GCSAML: variants seen among roughly 807,000 people sequenced by gnomAD.
GCSAML encodes the protein germinal center associated signaling and motility like.
Under a neutral mutation model 13.0 loss-of-function variants are expected in GCSAML, and 9 were observed. The ratio of observed to expected loss-of-function variants is 0.69; its 90% CI spans 0.42 to 1.21. The LOEUF (loss-of-function observed/expected upper bound fraction) is 1.21. GCSAML is among the 50% of genes most tolerant of loss of function. The pLI, the probability that GCSAML is intolerant of heterozygous loss-of-function variation, is 0.00. For missense variants in GCSAML, 143 were observed against 153.4 expected, an observed-to-expected ratio of 0.93 and a Z score of 0.36; for synonymous variants, 37 against 52.9, an observed-to-expected ratio of 0.70 and a Z score of 1.31.
intron 1 of GCSAML, chr1:247,507,277 AC>A (rs1665863320): frequency 6.6e-6 from 1 of 152,204 alleles, no homozygotes; most frequent in South Asian, 2.1e-4. Flanking sequence ...ACTGCTTAAG[AC>A]TTAGGTGTGT....
At chr1:247,512,239 C>A (rs114027841) in intron 1 of GCSAML, among the ~76,000 whole-genome samples, 1 of 151,744 alleles carries the variant, frequency 6.6e-6, no homozygotes, top group Non-Finnish European at 1.5e-5. Flanking sequence ...TTTGTCTTCA[C>A]GCTTTATTTC....
At chr1:247,525,005 A>G (rs1261808870) in intron 1 of GCSAML, 1 of 152,250 alleles carries the variant, frequency 6.6e-6, no homozygotes, top group African/African-American at 2.4e-5. Context: ...AAGTAAAACT[A>G]AAGTTACTAA....
intron 1 of GCSAML, among the ~76,000 whole-genome samples, chr1:247,517,305 T>C (rs975223208): frequency 2.0e-5 from 3 of 152,320 alleles, no homozygotes; most frequent in Admixed American, 1.3e-4. Context: ...GAGTAACTTA[T>C]TACTAGGTGT....
intron 1 of GCSAML, among the ~76,000 whole-genome samples, chr1:247,509,652 T>C (rs1665953240): frequency 6.6e-6 from 1 of 152,208 alleles, no homozygotes; most frequent in African/African-American, 2.4e-5. Flanking sequence ...CATAAATAGC[T>C]CTTACTATTT....
upstream of GCSAML, among the ~76,000 whole-genome samples, chr1:247,546,383 G>A (rs901815583): frequency 5.3e-5 from 8 of 150,028 alleles, no homozygotes; most frequent in East Asian, 3.9e-4. Context: ...TTTTTGAGAC[G>A]AGTCTCGCTC....
intron 1 of GCSAML, among the ~76,000 whole-genome samples, chr1:247,511,652 G>A (rs1020383127): frequency 6.6e-6 from 1 of 152,182 alleles, no homozygotes; most frequent in South Asian, 2.1e-4. Context: ...GCAGAGGCTG[G>A]TACTGGTTTT....
At chr1:247,546,134 A>G (rs1408647898), upstream of GCSAML, among the ~76,000 whole-genome samples, 1 of 133,090 alleles carries the variant, frequency 7.5e-6, no homozygotes, top group Non-Finnish European at 1.5e-5. Context: ...CTAGGAAAGA[A>G]AGAAATAAAT....
chr1:247,529,712 G>A (rs1236714137), intron 2 of GCSAML: 1 of 124,268 alleles, frequency 8.0e-6, no homozygotes, highest in Non-Finnish European at 1.6e-5. Flanking sequence ...GTGTTACTGT[G>A]AAGGTGTTTT....
At chr1:247,560,655 A>C (rs998778164) in intron 2 of GCSAML, among the ~76,000 whole-genome samples, 5 of 152,208 alleles carry the variant, frequency 3.3e-5, no homozygotes, top group Admixed American at 6.5e-5. Context: ...TTGAAGGTAC[A>C]CAATATGATG....
Position 247,575,575 on chromosome 1 carries a change from A to G in GCSAML, c.*1193A>G, listed in dbSNP as rs1337634274. ...TTGCAGTAATAGTTCAAAAATTAAT[A>G]GTTTTTGACATTGGCTTTTCTGAGA... is the stretch of plus-strand genomic sequence containing the variant. On this transcript the variant is annotated 3_prime_UTR_variant, in exon 5 of 5. Transcript: ENST00000366488. 3 of 152,210 alleles carry G rather than the reference A, an allele frequency of 2.0e-5. No homozygotes were observed. The highest frequency in any genetic ancestry group is 7.2e-5 in the African/African-American group (3 of 41,462). The allele number at this position is 152,210 out of a possible 1,614,324, so 9.4% of individuals were successfully genotyped here. A position where few individuals can be genotyped will look rare whatever the true frequency, so the allele number is the denominator to read the frequency against.
At chr1:247,529,616 A>C (rs1461953584) in intron 2 of GCSAML, 2 of 152,026 alleles carry the variant, frequency 1.3e-5, no homozygotes, top group Non-Finnish European at 2.9e-5. Flanking sequence ...CACTTCACTG[A>C]AAGTTTGGGT....
chr1:247,576,472 G>C lies in GCSAML; in HGVS notation c.*2090G>C, dbSNP rs1306055434. 2.6e-5 allele frequency: 4 copies of C among 152,134 alleles called. No individual in the cohort carries two copies. The highest frequency in any genetic ancestry group is 9.7e-5 in the African/African-American group (4 of 41,392). 9.4% of individuals were successfully genotyped at this position (152,134 alleles called of 1,614,324 possible). On this transcript the variant is annotated 3_prime_UTR_variant, in exon 5 of 5. Transcript: ENST00000366488. The stretch of plus-strand genomic sequence containing the variant: ...AGGTAGTAGGATTGTTTGAGACTGG[G>C]AGGTTGAGGCTGAACTGAGCCAGGA...
Position 247,527,154 on chromosome 1 carries a change from T to C in GCSAML, c.-148+100T>C, listed in dbSNP as rs372505821. The C allele has an allele frequency of 7.0e-4, 306 of 438,856 alleles. 1 individual carries two copies. Among genetic ancestry groups the C allele is most frequent in the African/African-American group, 5.3e-3 (266 of 49,770 alleles). The allele number at this position is 438,856 out of a possible 1,614,324, so 27.2% of individuals were successfully genotyped here. On this transcript the variant is annotated intron_variant, in intron 2 of 5. Coordinates refer to the GCSAML transcript ENST00000366489. This position sits in a 1 kb window ranked among gnomAD's most constrained non-coding sequence, Gnocchi z 4.6. ...AGCAGTTGGGTGAGCACATGACCAA[T>C]CAGCCTGAGCATTTAAGGCAGTTGG... is the stretch of plus-strand genomic sequence containing the variant.
At chr1:247,532,461 G>A (rs747770729) in intron 2 of GCSAML, 3 of 1,613,982 alleles carry the variant, frequency 1.9e-6, no homozygotes, top group Non-Finnish European at 2.5e-6. Context: ...GTGTGGAGAA[G>A]CCCAGGAGGA....
At chr1:247,521,064 T>A (rs1421141648) in intron 1 of GCSAML, among the ~76,000 whole-genome samples, 1 of 151,678 alleles carries the variant, frequency 6.6e-6, no homozygotes, top group African/African-American at 2.4e-5. Context: ...TAGAAAAAAA[T>A]TTTATTCTGT....
At chr1:247,549,473 AT>A (rs912580848) in intron 1 of GCSAML, among the ~76,000 whole-genome samples, 228 of 147,490 alleles carry the variant, frequency 1.5e-3, no homozygotes, top group African/African-American at 4.2e-3. Context: ...CCAGAAAAAC[AT>A]TTTTTTTTTT....
intron 2 of GCSAML, chr1:247,528,971 A>G (rs1460576266): frequency 6.6e-6 from 1 of 152,208 alleles, no homozygotes; most frequent in Non-Finnish European, 1.5e-5. Flanking sequence ...CTCTTTTGCC[A>G]GCAGGCTTGC....
intron 4 of GCSAML, among the ~76,000 whole-genome samples, chr1:247,573,596 G>T (rs963667581): frequency 2.6e-5 from 4 of 152,128 alleles, no homozygotes; most frequent in African/African-American, 4.8e-5. Context: ...TTCTCTATTG[G>T]TCTTGCTGGG....
At chr1:247,529,678 G>A (rs940493619) in intron 2 of GCSAML, 2 of 144,910 alleles carry the variant, frequency 1.4e-5, no homozygotes, top group African/African-American at 5.3e-5. Flanking sequence ...ATGGTGCCCA[G>A]TTTTTGTTCA....
Sources: gnomAD v4.1 joint callset for allele counts (sites outside exome capture counted in the v4.1 genomes callset) on GRCh38, gnomAD v4.1.1 for gene constraint, Gnocchi (gnomAD v3.1) non-coding constraint, MANE v1.5 for transcripts, NCBI Gene and HGNC (gene_info 2026-07-23, HGNC 2026-07-21) for gene names.